DPF3: variants seen among roughly 807,000 people sequenced by gnomAD.
DPF3 encodes double PHD fingers 3, also known as zinc finger protein DPF3.
A neutral mutation model predicts 56.8 loss-of-function variants in DPF3; 18 were observed. The observed-to-expected ratio is 0.32, with a 90% confidence interval of 0.22 to 0.47. The LOEUF is 0.47. Among genes scored for constraint, DPF3 ranks in the 20% least tolerant of loss-of-function variants. The probability of loss-of-function intolerance (pLI) is 1.00; values close to 1 mark genes in which losing one functional copy is unlikely to be tolerated. For missense variants in DPF3, 403 were observed against 488.8 expected (o/e 0.82, Z 1.65); for synonymous variants, 188 against 180.2 (o/e 1.04, Z -0.35).
intron 1 of DPF3, among the ~76,000 whole-genome samples, chr14:72,893,589 GC>G (rs1234432496): frequency 6.6e-6 from 1 of 151,962 alleles, no homozygotes; most frequent in Non-Finnish European, 1.5e-5. Flanking sequence ...AGCGGACCCA[GC>G]GGCGGGGCGG....
At chr14:72,861,463 G>T (rs2140097627) in intron 1 of DPF3, among the ~76,000 whole-genome samples, 1 of 152,010 alleles carries the variant, frequency 6.6e-6, no homozygotes, top group East Asian at 1.9e-4. Context: ...CACTTTTGAG[G>T]GTGAATTTGG....
chr14:72,675,509 C>A (rs141029545), intron 7 of DPF3: 1 of 152,154 alleles, frequency 6.6e-6, no homozygotes, highest in Non-Finnish European at 1.5e-5. Context: ...GGGTCCCATA[C>A]GGTACAAATC....
intron 2 of DPF3, among the ~76,000 whole-genome samples, chr14:72,771,107 C>T (rs1361447041): frequency 1.3e-5 from 2 of 151,210 alleles, no homozygotes; most frequent in Non-Finnish European, 2.9e-5. Context: ...ACCCGGGAGG[C>T]GGTGAGTCGA....
chr14:72,653,116 G>A (rs143590187), intron 8 of DPF3, among the ~76,000 whole-genome samples: 50 of 152,324 alleles, frequency 3.3e-4, no homozygotes, highest in Non-Finnish European at 5.3e-4. Context: ...GCACTAATGC[G>A]AACATCAGAA....
intron 5 of DPF3, among the ~76,000 whole-genome samples, chr14:72,717,792 GCT>G (rs1888993680): frequency 6.6e-6 from 1 of 152,156 alleles, no homozygotes; most frequent in Non-Finnish European, 1.5e-5. Flanking sequence ...AGGTCTCCAG[GCT>G]CTGTTATAGA....
chr14:72,821,919 G>C (rs1883564306), intron 1 of DPF3, among the ~76,000 whole-genome samples: 1 of 152,046 alleles, frequency 6.6e-6, no homozygotes, highest in Non-Finnish European at 1.5e-5. Flanking sequence ...AAAGTCAGAG[G>C]ATCACTTGAG....
At chr14:72,682,038 A>G (rs1887185096) in intron 7 of DPF3, among the ~76,000 whole-genome samples, 1 of 152,016 alleles carries the variant, frequency 6.6e-6, no homozygotes, top group South Asian at 2.1e-4. Context: ...CATGGCAAAA[A>G]CCTCATCTCT....
intron 1 of DPF3, among the ~76,000 whole-genome samples, chr14:72,818,635 C>T (rs553391691): frequency 9.2e-5 from 14 of 152,276 alleles, no homozygotes; most frequent in African/African-American, 3.1e-4. Flanking sequence ...TTTGATCATG[C>T]CATTGCACTC....
intron 2 of DPF3, among the ~76,000 whole-genome samples, chr14:72,762,011 C>T (rs974945384): frequency 4.0e-5 from 6 of 151,556 alleles, no homozygotes; most frequent in African/African-American, 1.5e-4. Context: ...AATAGATAAC[C>T]TAAATAGCCC....
intron 1 of DPF3, among the ~76,000 whole-genome samples, chr14:72,882,609 A>T (rs1886363571): frequency 6.6e-6 from 1 of 152,234 alleles, no homozygotes; most frequent in African/African-American, 2.4e-5. Context: ...CCGCCTGTTA[A>T]TTTTTCTTGC....
At chr14:72,886,247 C>T (rs1272697012) in intron 1 of DPF3, among the ~76,000 whole-genome samples, 1 of 152,200 alleles carries the variant, frequency 6.6e-6, no homozygotes, top group African/African-American at 2.4e-5. Flanking sequence ...TGGCGCATGC[C>T]TACAGTCCCA....
chr14:72,725,156 C>T (rs1405985727), intron 4 of DPF3, among the ~76,000 whole-genome samples: 2 of 152,128 alleles, frequency 1.3e-5, no homozygotes, highest in East Asian at 1.9e-4. Context: ...ACGTGGCAGG[C>T]TCCATGCTAG....
chr14:72,833,336 C>G (rs573373843), intron 1 of DPF3, among the ~76,000 whole-genome samples: 1 of 152,114 alleles, frequency 6.6e-6, no homozygotes, highest in Non-Finnish European at 1.5e-5. Context: ...CTCACCCTGA[C>G]GGGGAATCCG....
chr14:72,834,243 C>T (rs1485227043), intron 1 of DPF3, among the ~76,000 whole-genome samples: 2 of 151,722 alleles, frequency 1.3e-5, no homozygotes, highest in South Asian at 2.1e-4. Context: ...ACGCCTGTAA[C>T]GCCAACACTT....
chr14:72,798,215 C>T (rs78930578), intron 1 of DPF3, among the ~76,000 whole-genome samples: 1,296 of 128,162 alleles, frequency 0.01, 27 homozygotes, highest in African/African-American at 0.034. Flanking sequence ...GATCGCACCA[C>T]GGCACTCTAG....
intron 1 of DPF3, among the ~76,000 whole-genome samples, chr14:72,864,997 T>C (rs1885606932): frequency 6.6e-6 from 1 of 152,190 alleles, no homozygotes; most frequent in Admixed American, 6.5e-5. Flanking sequence ...CTCAGATTTT[T>C]GCTTAGATGA....
chr14:72,853,533 G>A (rs1885067163), intron 1 of DPF3, among the ~76,000 whole-genome samples: 1 of 145,844 alleles, frequency 6.9e-6, no homozygotes, highest in Admixed American at 7.0e-5. Flanking sequence ...GCAGTGCAGT[G>A]GCACGATCTT....
Position 72,701,881 on chromosome 14 carries a change from G to A in DPF3, c.605-8668C>T, listed in dbSNP as rs542136951. ...ACTGACATACAACCCTGAGGACACC[G>A]CTTCCTTCTCTCTGCAGCTGGACTT... On this transcript the variant is annotated intron_variant, in intron 6 of 10. Transcript: ENST00000556509. Among the ~76,000 whole-genome samples, 7 of 152,240 alleles carry A rather than the reference G, an allele frequency of 4.6e-5. No homozygotes were observed. The South Asian group carries it at 1.0e-3, about 23-fold the overall frequency.
At chr14:72,751,230 T>G (rs905891541) in intron 3 of DPF3, among the ~76,000 whole-genome samples, 1 of 152,150 alleles carries the variant, frequency 6.6e-6, no homozygotes, top group African/African-American at 2.4e-5. Flanking sequence ...AAACTGTACA[T>G]GTAACTGTAT....
Sources: allele counts gnomAD v4.1 joint callset (sites outside exome capture counted in the v4.1 genomes callset), GRCh38; gene constraint gnomAD v4.1.1; transcripts MANE v1.5; gene names NCBI Gene and HGNC (gene_info 2026-07-23, HGNC 2026-07-21).